Variants in OLIG2 observed in about 807,000 individuals in gnomAD.
The protein encoded by OLIG2 is oligodendrocyte transcription factor 2.
Under a neutral mutation model 13.4 loss-of-function variants are expected in OLIG2, and 12 were observed. The ratio of observed to expected loss-of-function variants is 0.90; its 90% CI spans 0.58 to 1.46. The LOEUF (loss-of-function observed/expected upper bound fraction) is 1.46. OLIG2 is among the 40% of genes most tolerant of loss of function. The pLI, the probability that OLIG2 is intolerant of heterozygous loss-of-function variation, is 0.00. For synonymous variants in OLIG2, 250 were observed against 233.6 expected, an observed-to-expected ratio of 1.07 and a Z score of -0.64; for missense variants, 415 against 487.9, an observed-to-expected ratio of 0.85 and a Z score of 1.41.
Position 33,027,823 on chromosome 21 carries a change from G to T in OLIG2, c.961G>T (p.Asp321Tyr). 5 of 1,412,564 alleles carry T rather than the reference G, an allele frequency of 3.5e-6. No individual in the cohort carries two copies. The highest frequency in any genetic ancestry group is 1.5e-5 in the South Asian group (1 of 67,772). 87.5% of individuals were successfully genotyped at this position (1,412,564 alleles called of 1,614,324 possible). A position where few individuals can be genotyped will look rare whatever the true frequency, so the allele number is the denominator to read the frequency against. Residue 321 changes from aspartate (D) to tyrosine (Y), a missense_variant, in exon 2 of 2, where the codon GAC (aspartate) becomes TAC (tyrosine). Asp to Tyr is a radical substitution (Grantham distance 160, BLOSUM62 -3). This residue lies in a region of OLIG2 where 243 missense variants were observed against 241.2 expected (regional missense o/e 1.01). Coordinates refer to ENST00000382357, the MANE Select transcript of OLIG2 (RefSeq NM_005806.4). ...CGGCAGCCTGCCGCGCCTCACCTCCGACGCCAAGTGAGCCGACTGGCGCCG... is the reference window on the plus strand; with the variant it reads ...CGGCAGCCTGCCGCGCCTCACCTCCTACGCCAAGTGAGCCGACTGGCGCCG... The part of the protein sequence containing the change: ...GAGSLPRLTS[D>Y]AK
Position 33,026,934 on chromosome 21 carries a change from C to T in OLIG2, c.72C>T (p.Ala24=), listed in dbSNP as rs147616967. ...AGCCCGATGACCTTTTTCTGCCGGC[C>T]CGGAGTAAGGGCAGCAGCGGCAGCG... The part of the protein sequence containing the change: ...SPEPDDLFLP[A]RSKGSSGSAF... Residue 24 remains alanine (A), a synonymous_variant, in exon 2 of 2, where the codon GCC becomes GCT. Coordinates refer to ENST00000382357, the MANE Select transcript of OLIG2 (RefSeq NM_005806.4). This position sits in a 1 kb window ranked among gnomAD's most constrained non-coding sequence, Gnocchi z 6.6. 2.0e-4 allele frequency: 327 copies of T among 1,612,476 alleles called. No individual in the cohort carries two copies. In the African/African-American group the frequency reaches 4.0e-3, roughly 20 times the overall value.
At position 33,027,257 on chromosome 21, in the gene OLIG2, G is replaced by A. The variant is rs1034749666; in HGVS notation, c.395G>A (p.Arg132His). ...HDLNIAMDGL[R>H]EVMPYAHGPS... is the part of the protein sequence containing the mutation. Reference sequence around the variant, plus strand: ...CTCAACATCGCCATGGATGGCCTCCGCGAGGTCATGCCGTACGCACACGGC... The same window carrying A: ...CTCAACATCGCCATGGATGGCCTCCACGAGGTCATGCCGTACGCACACGGC... The change falls in exon 2 of 2, where the codon CGC becomes CAC. Residue 132 changes from arginine to histidine, a missense_variant. Around this residue, in one of 3 missense-constraint regions of OLIG2, gnomAD observed 50 missense variants for 119.9 expected, o/e 0.42. Transcript: ENST00000382357. 2 of 1,610,028 alleles carry A rather than the reference G, an allele frequency of 1.2e-6. No individual in the cohort carries two copies. The highest frequency in any genetic ancestry group is 1.7e-6 in the Non-Finnish European group (2 of 1,178,604).
chr21:33,027,455 T>G lies in OLIG2; in HGVS notation c.593T>G (p.Leu198Arg), dbSNP rs1023388007. 2.0e-6 allele frequency: 3 copies of G among 1,496,726 alleles called. No homozygotes were observed. Among genetic ancestry groups the G allele is most frequent in the Non-Finnish European group, 2.7e-6 (3 of 1,131,548 alleles). The allele number at this position is 1,496,726 out of a possible 1,614,324, so 92.7% of individuals were successfully genotyped here. ...GGCGGCCTGGCGCACTCCGCGCCCC[T>G]GCCCGCCGCCACCGCGCACCCGGCA... is the stretch of plus-strand genomic sequence containing the variant. ...ACGGLAHSAP[L>R]PAATAHPAAA... The change falls in exon 2 of 2, where the codon CTG becomes CGG. Residue 198 changes from leucine (L) to arginine (R), a missense_variant. This residue lies in a region of OLIG2 where 243 missense variants were observed against 241.2 expected (regional missense o/e 1.01). Transcript: ENST00000382357.
chr21:33,027,423 G>C lies in OLIG2; in HGVS notation c.561G>C (p.Ser187=). 1.3e-6 allele frequency: 2 copies of C among 1,540,510 alleles called. No individual in the cohort carries two copies. Among genetic ancestry groups the C allele is most frequent in the African/African-American group, 1.4e-5 (1 of 72,914 alleles). Residue 187 remains serine (S), a synonymous_variant, in exon 2 of 2, where the codon TCG becomes TCC. Transcript: ENST00000382357. ...GCCACCACGCTGGCTTCCACCCGTC[G>C]GCCTGCGGCGGCCTGGCGCACTCCG... The part of the protein sequence containing the change: ...YGGHHAGFHP[S]ACGGLAHSAP...
In OLIG2 at chr21:33,027,107, C is replaced by A. The variant is rs1366201239; in HGVS notation, c.245C>A (p.Thr82Asn). ...GSGFKSSSSS[T>N]SSSTSSAAAS... ...GGCTTCAAGTCATCCTCGTCCAGCACCTCGTCGTCTACGTCGTCGGCGGCT... is the reference window on the plus strand; with the variant it reads ...GGCTTCAAGTCATCCTCGTCCAGCAACTCGTCGTCTACGTCGTCGGCGGCT... The change falls in exon 2 of 2, where the codon ACC (threonine) becomes AAC (asparagine). Residue 82 changes from threonine to asparagine, a missense_variant. Transcript: ENST00000382357. 1 of 1,612,004 alleles carries A rather than the reference C, an allele frequency of 6.2e-7. No homozygotes were observed. The highest frequency in any genetic ancestry group is 8.5e-7 in the Non-Finnish European group (1 of 1,179,276).
rs1015933087 is a variant in OLIG2 at position 33,026,737 on chromosome 21, A to C, written c.-62-64A>C. 1.0e-5 allele frequency: 11 copies of C among 1,102,756 alleles called. No homozygotes were observed. Among genetic ancestry groups the C allele is most frequent in the East Asian group, 2.8e-5 (1 of 35,970 alleles). The allele number at this position is 1,102,756 out of a possible 1,614,324, so 68.3% of individuals were successfully genotyped here. ...CAGCTTTTCTGTCTCTCACTGACTC[A>C]CTCTCTCTCTCTCTCCCTCTCTCTC... On this transcript the variant is annotated intron_variant, in intron 1 of 1. Transcript: ENST00000382357. The surrounding 1 kb of genome is among the most constrained non-coding windows in gnomAD (Gnocchi z 6.6).
Position 33,027,532 on chromosome 21 carries a change from CCCGCCGCCGCAGCGGCTGCTG to C in OLIG2, c.678_698del (p.Ala231_Ala237del), listed in dbSNP as rs776611077. 79 of 1,473,986 alleles carry C rather than the reference CCCGCCGCCGCAGCGGCTGCTG, an allele frequency of 5.4e-5. No homozygotes were observed. The highest frequency in any genetic ancestry group is 6.4e-5 in the Non-Finnish European group (72 of 1,117,496). The allele number at this position is 1,473,986 out of a possible 1,614,324, so 91.3% of individuals were successfully genotyped here. ...CGCGGTGCACCACCCCATCCTGCCG[CCCGCCGCCGCAGCGGCTGCTG>C]CCGCCGCTGCAGCCGCGGCTGTGTC... On this transcript the variant is annotated inframe_deletion, in exon 2 of 2. Coordinates refer to ENST00000382357, the MANE Select transcript of OLIG2 (RefSeq NM_005806.4).
Position 33,027,668 on chromosome 21 carries a change from CCG to C in OLIG2, c.808_809del (p.Ala270ProfsTer169). 7.2e-7 allele frequency: 1 copy of C among 1,391,264 alleles called. No homozygotes were observed. Among genetic ancestry groups the C allele is most frequent in the South Asian group, 1.6e-5 (1 of 62,844 alleles). 86.2% of individuals were successfully genotyped at this position (1,391,264 alleles called of 1,614,324 possible). On this transcript the variant is annotated frameshift_variant, in exon 2 of 2. Transcript: ENST00000382357. LOFTEE classifies it high-confidence loss of function. ...CTCAAGTCTCCGTCTGCTGCCGCGG[CCG>C]CCCCGCTGGGGGGCGGGGGCGGCGG... is the stretch of plus-strand genomic sequence containing the variant.
chr21:33,026,935 C>G lies in OLIG2; in HGVS notation c.73C>G (p.Arg25Gly). ...GCCCGATGACCTTTTTCTGCCGGCC[C>G]GGAGTAAGGGCAGCAGCGGCAGCGC... The part of the protein sequence containing the change: ...PEPDDLFLPA[R>G]SKGSSGSAFT... Residue 25 changes from arginine (R) to glycine (G), a missense_variant, in exon 2 of 2, where the codon CGG (arginine) becomes GGG (glycine). Transcript: ENST00000382357. This position sits in a 1 kb window ranked among gnomAD's most constrained non-coding sequence, Gnocchi z 6.6. 1.9e-6 allele frequency: 3 copies of G among 1,612,424 alleles called. No homozygotes were observed. The highest frequency in any genetic ancestry group is 2.5e-6 in the Non-Finnish European group (3 of 1,179,958).
chr21:33,026,894 G>A lies in OLIG2; in HGVS notation c.32G>A (p.Arg11His), dbSNP rs1981096982. The change falls in exon 2 of 2, where the codon CGC (arginine) becomes CAC (histidine). Residue 11 changes from arginine (R) to histidine (H), a missense_variant. Physicochemically the swap from Arg to His is conservative, Grantham distance 29 (BLOSUM62 0). This residue lies in a region of OLIG2 where 122 missense variants were observed against 126.8 expected (regional missense o/e 0.96). Transcript: ENST00000382357. This position sits in a 1 kb window ranked among gnomAD's most constrained non-coding sequence, Gnocchi z 6.6. MDSDASLVSS[R>H]PSSPEPDDLF... Reference sequence around the variant, plus strand: ...TCGGACGCCAGCCTGGTGTCCAGCCGCCCGTCGTCGCCAGAGCCCGATGAC... The same window carrying A: ...TCGGACGCCAGCCTGGTGTCCAGCCACCCGTCGTCGCCAGAGCCCGATGAC... 6.2e-7 allele frequency: 1 copy of A among 1,610,906 alleles called. No individual in the cohort carries two copies. The highest frequency in any genetic ancestry group is 1.7e-5 in the Admixed American group (1 of 60,026).
In OLIG2 at chr21:33,026,163, GCT is replaced by G. The variant is rs1384023312; in HGVS notation, c.-63+140_-63+141del. 6.6e-6 allele frequency: 1 copy of G among 152,438 alleles called. No individual in the cohort carries two copies. Among genetic ancestry groups the G allele is most frequent in the African/African-American group, 2.4e-5 (1 of 41,464 alleles). The allele number at this position is 152,438 out of a possible 1,614,324, so 9.4% of individuals were successfully genotyped here. A position where few individuals can be genotyped will look rare whatever the true frequency, so the allele number is the denominator to read the frequency against. On this transcript the variant is annotated intron_variant, in intron 1 of 1. Coordinates refer to ENST00000382357, the MANE Select transcript of OLIG2 (RefSeq NM_005806.4). This position sits in a 1 kb window ranked among gnomAD's most constrained non-coding sequence, Gnocchi z 6.6. ...CGGGCCATTTCTCCAGAGCGACTTT[GCT>G]CTTCTGTCCTCCCCACACTCACCGC...
chr21:33,028,886 G>T lies in OLIG2; in HGVS notation c.*1052G>T, dbSNP rs1981212120. ...AAGCTGTTTGCTCACGTGACTGCCA[G>T]CCCCATCGGAGTCTAAGCCGGCTTT... On this transcript the variant is annotated 3_prime_UTR_variant, in exon 2 of 2. Coordinates refer to ENST00000382357, the MANE Select transcript of OLIG2 (RefSeq NM_005806.4). 1 of 242,388 alleles carries T rather than the reference G, an allele frequency of 4.1e-6. No homozygotes were observed. The highest frequency in any genetic ancestry group is 8.7e-6 in the Non-Finnish European group (1 of 114,552). The allele number at this position is 242,388 out of a possible 1,614,324, so 15.0% of individuals were successfully genotyped here.
In OLIG2 at chr21:33,027,671, C is replaced by T. The variant is rs1981150479; in HGVS notation, c.809C>T (p.Ala270Val). 7.2e-7 allele frequency: 1 copy of T among 1,388,552 alleles called. No homozygotes were observed. Among genetic ancestry groups the T allele is most frequent in the Non-Finnish European group, 9.3e-7 (1 of 1,079,614 alleles). The allele number at this position is 1,388,552 out of a possible 1,614,324, so 86.0% of individuals were successfully genotyped here. ...LLKSPSAAAA[A>V]PLGGGGGGSG... The stretch of plus-strand genomic sequence containing the variant: ...AAGTCTCCGTCTGCTGCCGCGGCCG[C>T]CCCGCTGGGGGGCGGGGGCGGCGGC... The change falls in exon 2 of 2, where the codon GCC becomes GTC. Residue 270 changes from alanine (A) to valine (V), a missense_variant. Around this residue, in one of 3 missense-constraint regions of OLIG2, gnomAD observed 243 missense variants for 241.2 expected, o/e 1.01. Transcript: ENST00000382357.
rs1981222281 is a variant in OLIG2, at chr21:33,029,067, C to T, written c.*1233C>T. On this transcript the variant is annotated 3_prime_UTR_variant, in exon 2 of 2. Coordinates refer to ENST00000382357, the MANE Select transcript of OLIG2 (RefSeq NM_005806.4). Reference sequence around the variant, plus strand: ...ACACCCTTCCTCTGATCGCACCGCCCCTCGCAGAGAGTGTATCATCTGTTT... The same window carrying T: ...ACACCCTTCCTCTGATCGCACCGCCTCTCGCAGAGAGTGTATCATCTGTTT... The T allele has an allele frequency of 8.4e-6, 2 of 239,038 alleles. No individual in the cohort carries two copies. Among genetic ancestry groups the T allele is most frequent in the African/African-American group, 2.2e-5 (1 of 44,914 alleles). The allele number at this position is 239,038 out of a possible 1,614,324, so 14.8% of individuals were successfully genotyped here.
chr21:33,027,889 C>A lies in OLIG2; in HGVS notation c.*55C>A. 5 of 1,346,880 alleles carry A rather than the reference C, an allele frequency of 3.7e-6. No homozygotes were observed. The highest frequency in any genetic ancestry group is 1.8e-5 in the South Asian group (1 of 54,342). 83.4% of individuals were successfully genotyped at this position (1,346,880 alleles called of 1,614,324 possible). A position where few individuals can be genotyped will look rare whatever the true frequency, so the allele number is the denominator to read the frequency against. On this transcript the variant is annotated 3_prime_UTR_variant, in exon 2 of 2. Coordinates refer to ENST00000382357, the MANE Select transcript of OLIG2 (RefSeq NM_005806.4). ...AGGGGAGCCAGGGGCCGCGGGGAAGCGAGGACTGGCCTGCGCTGGGCTCGG... is the reference window on the plus strand; with the variant it reads ...AGGGGAGCCAGGGGCCGCGGGGAAGAGAGGACTGGCCTGCGCTGGGCTCGG...
In OLIG2 at chr21:33,027,114, G is replaced by A. The variant is rs1221027032; in HGVS notation, c.252G>A (p.Ser84=). The A allele has an allele frequency of 1.2e-6, 2 of 1,611,840 alleles. No homozygotes were observed. The highest frequency in any genetic ancestry group is 1.7e-5 in the Admixed American group (1 of 59,814). The change falls in exon 2 of 2, where the codon TCG becomes TCA. Residue 84 remains serine, a synonymous_variant. Transcript: ENST00000382357. The part of the protein sequence containing the change: ...GFKSSSSSTS[S]STSSAAASST... ...AGTCATCCTCGTCCAGCACCTCGTCGTCTACGTCGTCGGCGGCTGCGTCGT... is the reference window on the plus strand; with the variant it reads ...AGTCATCCTCGTCCAGCACCTCGTCATCTACGTCGTCGGCGGCTGCGTCGT...
At position 33,027,034 on chromosome 21, in the gene OLIG2, G is replaced by A. The variant is rs1320045413; in HGVS notation, c.172G>A (p.Ala58Thr). ...GGAGCTGAGCGCCGAGCTGCGCGGC[G>A]CTATGGGCTCTGCGGGCGCGCATCC... The part of the protein sequence containing the change: ...PPELSAELRG[A>T]MGSAGAHPGD... The change falls in exon 2 of 2, where the codon GCT (alanine) becomes ACT (threonine). Residue 58 changes from alanine (A) to threonine (T), a missense_variant. This residue lies in a region of OLIG2 where 122 missense variants were observed against 126.8 expected (regional missense o/e 0.96). Transcript: ENST00000382357. 6.2e-7 allele frequency: 1 copy of A among 1,611,672 alleles called. No individual in the cohort carries two copies. The highest frequency in any genetic ancestry group is 8.5e-7 in the Non-Finnish European group (1 of 1,179,134).
Position 33,027,330 on chromosome 21 carries a change from C to T in OLIG2, c.468C>T (p.Arg156=). The T allele has an allele frequency of 6.3e-7, 1 of 1,583,382 alleles. No homozygotes were observed. Among genetic ancestry groups the T allele is most frequent in the Non-Finnish European group, 8.6e-7 (1 of 1,165,160 alleles). Residue 156 remains arginine (R), a synonymous_variant, in exon 2 of 2, where the codon CGC becomes CGT. Transcript: ENST00000382357. ...LSKIATLLLA[R]NYILMLTNSL... ...AGATCGCCACGCTGCTGCTGGCGCG[C>T]AACTACATCCTCATGCTCACCAACT...
In OLIG2 at chr21:33,027,637, G is replaced by C. The variant is rs1981149028; in HGVS notation, c.775G>C (p.Gly259Arg). Residue 259 changes from glycine (G) to arginine (R), a missense_variant, in exon 2 of 2, where the codon GGC becomes CGC. Around this residue, in one of 3 missense-constraint regions of OLIG2, gnomAD observed 243 missense variants for 241.2 expected, o/e 1.01. Transcript: ENST00000382357. ...GGTCGGCTCCATCCGTCCACCGCAC[G>C]GCCTACTCAAGTCTCCGTCTGCTGC... is the stretch of plus-strand genomic sequence containing the variant. Reference protein sequence around the residue: ...PSVGSIRPPHGLLKSPSAAAA... With the variant: ...PSVGSIRPPHRLLKSPSAAAA... The C allele has an allele frequency of 2.1e-6, 3 of 1,459,448 alleles. No homozygotes were observed. The highest frequency in any genetic ancestry group is 3.0e-5 in the African/African-American group (2 of 67,514). The allele number at this position is 1,459,448 out of a possible 1,614,324, so 90.4% of individuals were successfully genotyped here.
Sources: gnomAD v4.1 joint callset for allele counts on GRCh38, gnomAD v4.1.1 for gene constraint, gnomAD v4.1.1 regional missense constraint, Gnocchi (gnomAD v3.1) non-coding constraint, MANE v1.5 for transcripts, NCBI Gene and HGNC (gene_info 2026-07-23, HGNC 2026-07-21) for gene names.